SCFD2: variants seen among roughly 807,000 people sequenced by gnomAD.
The protein encoded by SCFD2 is sec1 family domain containing 2.
SCFD2 carries 54 observed loss-of-function variants against 58.9 expected under a neutral mutation model. The ratio of observed to expected loss-of-function variants is 0.92; its 90% CI spans 0.74 to 1.15. The LOEUF is 1.15. SCFD2 is among the 50% of genes most tolerant of loss of function. SCFD2 has a pLI of 0.00. For missense variants in SCFD2, 805 were observed against 836.6 expected (o/e 0.96, Z 0.47); for synonymous variants, 321 against 335.9 (o/e 0.96, Z 0.49).
At chr4:52,984,391 T>C (rs1355417964) in intron 5 of SCFD2, among the ~76,000 whole-genome samples, 1 of 152,214 alleles carries the variant, frequency 6.6e-6, no homozygotes, top group African/African-American at 2.4e-5. Flanking sequence ...AAAGCCATCA[T>C]TGTCAAGGGT....
At chr4:53,021,422 AAACT>A (rs1462781357) in intron 5 of SCFD2, among the ~76,000 whole-genome samples, 1 of 152,206 alleles carries the variant, frequency 6.6e-6, no homozygotes, top group Non-Finnish European at 1.5e-5. Context: ...GTTTAGTTTA[AAACT>A]AACAGAGATT....
chr4:53,245,866 G>C (rs1044406475), intron 4 of SCFD2, among the ~76,000 whole-genome samples: 1 of 152,110 alleles, frequency 6.6e-6, no homozygotes, highest in African/African-American at 2.4e-5. Flanking sequence ...TTAGGCAAGA[G>C]AAATAAATAA....
chr4:53,213,086 A>G (rs1390393456), intron 4 of SCFD2, among the ~76,000 whole-genome samples: 1 of 152,080 alleles, frequency 6.6e-6, no homozygotes, highest in African/African-American at 2.4e-5. Context: ...GGTACACACA[A>G]ACAATTTCTA....
intron 3 of SCFD2, among the ~76,000 whole-genome samples, chr4:53,306,906 G>A (rs1732533080): frequency 6.6e-6 from 1 of 152,234 alleles, no homozygotes; most frequent in Non-Finnish European, 1.5e-5. Context: ...GTGTGCAAAT[G>A]AGTGTATTGG....
chr4:53,177,974 G>A (rs532827913), intron 4 of SCFD2, among the ~76,000 whole-genome samples: 35 of 152,258 alleles, frequency 2.3e-4, no homozygotes, highest in African/African-American at 1.9e-4. Flanking sequence ...CGCCATTTTC[G>A]GGTTAGTTGT....
chr4:53,258,489 C>A (rs1560416763), intron 4 of SCFD2, among the ~76,000 whole-genome samples: 2 of 144,940 alleles, frequency 1.4e-5, no homozygotes, highest in Admixed American at 1.4e-4. Context: ...GCTGCAAATG[C>A]CATTATTTTG....
chr4:53,002,127 G>C (rs952329836), intron 5 of SCFD2, among the ~76,000 whole-genome samples: 3 of 152,186 alleles, frequency 2.0e-5, no homozygotes, highest in African/African-American at 7.2e-5. Context: ...GTTCAAAAAG[G>C]AAGCATCAGA....
At position 53,152,266 on chromosome 4, in the gene SCFD2, C is replaced by T. The variant is rs115019361; in HGVS notation, c.1312-6684G>A. Among the ~76,000 whole-genome samples, 919 of 151,942 alleles carry T rather than the reference C, an allele frequency of 6.0e-3. 8 individuals carry two copies. The highest frequency in any genetic ancestry group is 0.02 in the African/African-American group (824 of 41,394). The stretch of plus-strand genomic sequence containing the variant: ...AAGAGGATATCCAAATACCATTAGG[C>T]ACATATACATGTACTCAGCATCATT... On this transcript the variant is annotated intron_variant, in intron 4 of 8. Transcript: ENST00000401642.
At chr4:53,358,556 G>GAA (rs773896119) in intron 1 of SCFD2, among the ~76,000 whole-genome samples, 4 of 105,342 alleles carry the variant, frequency 3.8e-5, no homozygotes, top group African/African-American at 3.4e-5. Context: ...CTGTCTCAGG[G>GAA]AAAAAAAAAA....
At chr4:53,229,401 T>A (rs540380674) in intron 4 of SCFD2, among the ~76,000 whole-genome samples, 1 of 152,184 alleles carries the variant, frequency 6.6e-6, no homozygotes, top group African/African-American at 2.4e-5. Flanking sequence ...CAAAACAGCA[T>A]GGTACTGTTA....
intron 5 of SCFD2, among the ~76,000 whole-genome samples, chr4:53,051,484 C>G (rs1387850070): frequency 6.6e-6 from 1 of 152,132 alleles, no homozygotes; most frequent in Non-Finnish European, 1.5e-5. Flanking sequence ...GTGGAGCCAC[C>G]TAGGGGAAGC....
At chr4:53,241,295 A>G (rs1399465505) in intron 4 of SCFD2, among the ~76,000 whole-genome samples, 1 of 152,188 alleles carries the variant, frequency 6.6e-6, no homozygotes. Flanking sequence ...GCATGGACAG[A>G]GATACCCATC....
chr4:53,012,039 T>C (rs1415629975), intron 5 of SCFD2, among the ~76,000 whole-genome samples: 1 of 148,740 alleles, frequency 6.7e-6, no homozygotes, highest in Non-Finnish European at 1.5e-5. Flanking sequence ...ACTCCTTCTA[T>C]GGGTTAATTT....
At chr4:52,898,760 G>A (rs1719095942) in intron 7 of SCFD2, among the ~76,000 whole-genome samples, 1 of 152,152 alleles carries the variant, frequency 6.6e-6, no homozygotes, top group Non-Finnish European at 1.5e-5. Flanking sequence ...GGGTGTTAAA[G>A]TCTCCCACTA....
chr4:53,342,748 A>G (rs1577987629), intron 2 of SCFD2, among the ~76,000 whole-genome samples: 1 of 152,214 alleles, frequency 6.6e-6, no homozygotes, highest in East Asian at 1.9e-4. Flanking sequence ...CAGAAATTAT[A>G]ACAAACTGTC....
chr4:52,923,977 T>C (rs1440207369), intron 5 of SCFD2, among the ~76,000 whole-genome samples: 2 of 152,354 alleles, frequency 1.3e-5, no homozygotes, highest in Middle Eastern at 6.8e-3. Context: ...AGTTGAGTAC[T>C]ATGTACTACT....
At chr4:52,932,231 T>C (rs1419148308) in intron 5 of SCFD2, among the ~76,000 whole-genome samples, 1 of 152,254 alleles carries the variant, frequency 6.6e-6, no homozygotes, top group African/African-American at 2.4e-5. Context: ...CTTCTGGCTG[T>C]GATGCGTCTC....
At chr4:52,882,501 T>C (rs1718641687) in intron 8 of SCFD2, among the ~76,000 whole-genome samples, 1 of 152,008 alleles carries the variant, frequency 6.6e-6, no homozygotes, top group Admixed American at 6.6e-5. Flanking sequence ...CCAAAGGAGA[T>C]TAACATTTGA....
chr4:52,896,329 A>C lies in SCFD2; in HGVS notation c.1843-10463T>G, dbSNP rs534452039. On this transcript the variant is annotated intron_variant, in intron 7 of 8. Coordinates refer to ENST00000401642, the MANE Select transcript of SCFD2 (RefSeq NM_152540.4). ...TTAAGTCTTTAATCCATCTTGAATTAATTTTTGTATAAGGTGTAAGGAAGG... is the reference window on the plus strand; with the variant it reads ...TTAAGTCTTTAATCCATCTTGAATTCATTTTTGTATAAGGTGTAAGGAAGG... Among the ~76,000 whole-genome samples, 7 of 152,166 alleles carry C rather than the reference A, an allele frequency of 4.6e-5. No individual in the cohort carries two copies. The East Asian group carries it at 5.8e-4, about 13-fold the overall frequency.
Sources: allele counts gnomAD v4.1 joint callset (sites outside exome capture counted in the v4.1 genomes callset), GRCh38; gene constraint gnomAD v4.1.1; transcripts MANE v1.5; gene names NCBI Gene and HGNC (gene_info 2026-07-23, HGNC 2026-07-21).